The following RGS3 variants were observed in gnomAD, a reference collection of about 807,000 sequenced individuals.
The protein encoded by RGS3 is regulator of G-protein signalling 3.
A neutral mutation model predicts 132.6 loss-of-function variants in RGS3; 80 were observed. That is an observed-to-expected ratio of 0.60 (90% CI 0.50 to 0.73). The LOEUF is 0.73. Ranked by LOEUF, RGS3 falls within the 30% of genes least tolerant of loss-of-function variation. The pLI is 0.00. For synonymous variants in RGS3, 598 were observed against 620.6 expected (o/e 0.96, Z 0.54); for missense variants, 1,382 against 1,530.8 (o/e 0.90, Z 1.62).
chr9:113,514,657 G>C lies in RGS3; in HGVS notation c.1674+3G>C. ...TGGTGTTCCCTGTCTTTGTTCAGGT[G>C]AGCCCGTGGCTGGTCTTAAAGGTTC... On this transcript the variant is annotated splice_donor_region_variant and intron_variant, in intron 15 of 24. Coordinates refer to ENST00000350696, the Ensembl canonical transcript of RGS3. The C allele has an allele frequency of 6.2e-7, 1 of 1,612,986 alleles. No individual in the cohort carries two copies. The highest frequency in any genetic ancestry group is 8.5e-7 in the Non-Finnish European group (1 of 1,179,844).
At chr9:113,466,842 C>G (rs1829659953) in intron 3 of RGS3, among the ~76,000 whole-genome samples, 1 of 152,162 alleles carries the variant, frequency 6.6e-6, no homozygotes, top group South Asian at 2.1e-4. Context: ...CATTTTCATT[C>G]CCTCAAAAAG....
intron 1 of RGS3, among the ~76,000 whole-genome samples, chr9:113,448,469 T>C (rs772141917): frequency 6.6e-6 from 1 of 152,194 alleles, no homozygotes; most frequent in Non-Finnish European, 1.5e-5. Context: ...TTCCCCCTTC[T>C]GCCTGGCTAT....
At chr9:113,460,169 T>C, upstream of RGS3, 1 of 1,159,154 alleles carries the variant, frequency 8.6e-7, no homozygotes, top group African/African-American at 1.7e-5. Context: ...GCTTTGGTCT[T>C]ATTGTTGAAG....
intron 3 of RGS3, chr9:113,479,115 T>C: frequency 4.8e-6 from 1 of 206,410 alleles, no homozygotes. Flanking sequence ...TGGCAGAAAT[T>C]ACCCTCCATT....
At chr9:113,447,236 T>C (rs1588122582) in intron 1 of RGS3, among the ~76,000 whole-genome samples, 1 of 127,416 alleles carries the variant, frequency 7.8e-6, no homozygotes, top group African/African-American at 3.0e-5. Context: ...CACTCCAGCC[T>C]GGGCAACAGA....
chr9:113,537,062 G>A lies in RGS3; in HGVS notation c.2037+144G>A. On this transcript the variant is annotated intron_variant, in intron 19 of 24. Coordinates refer to ENST00000350696, the Ensembl canonical transcript of RGS3. The surrounding 1 kb of genome is among the most constrained non-coding windows in gnomAD (Gnocchi z 4.3). ...ATGAGCTCTTGGCAAGCGGGGACCTGTGCCCGAATGTCTCTCCCCCTTGGC... is the reference window on the plus strand; with the variant it reads ...ATGAGCTCTTGGCAAGCGGGGACCTATGCCCGAATGTCTCTCCCCCTTGGC... The A allele has an allele frequency of 1.4e-6, 1 of 705,086 alleles. No homozygotes were observed. The highest frequency in any genetic ancestry group is 2.8e-5 in the East Asian group (1 of 36,338). The allele number at this position is 705,086 out of a possible 1,614,324, so 43.7% of individuals were successfully genotyped here.
intron 20 of RGS3, among the ~76,000 whole-genome samples, chr9:113,590,565 C>CATCG (rs1372246478): frequency 1.4e-5 from 2 of 138,882 alleles, no homozygotes; most frequent in Non-Finnish European, 3.0e-5. Flanking sequence ...CATATCCATC[C>CATCG]ATCCATCCAT....
intron 19 of RGS3, among the ~76,000 whole-genome samples, chr9:113,543,720 G>A (rs1832994605): frequency 1.3e-5 from 2 of 152,234 alleles, no homozygotes; most frequent in African/African-American, 2.4e-5. Flanking sequence ...GAGGACAGGA[G>A]CTCTGGCCAC....
In RGS3 at chr9:113,514,053, C is replaced by T. The variant is rs142531748; in HGVS notation, c.1478-405C>T. On this transcript the variant is annotated intron_variant, in intron 14 of 24. Transcript: ENST00000350696. ...CACTCTGCTCCAACTGATTGTTCCA[C>T]GTGGGACTGTGGGCTCAGTGAGGAC... Among the ~76,000 whole-genome samples, 114 of 152,314 alleles carry T rather than the reference C, an allele frequency of 7.5e-4. 1 individual carries two copies. Among genetic ancestry groups the T allele is most frequent in the African/African-American group, 2.5e-3 (102 of 41,574 alleles).
At chr9:113,571,748 T>C (rs1834299666) in intron 19 of RGS3, among the ~76,000 whole-genome samples, 1 of 152,248 alleles carries the variant, frequency 6.6e-6, no homozygotes, top group Admixed American at 6.5e-5. Flanking sequence ...CTTTTTTCTT[T>C]TATGGAGAGT....
At chr9:113,496,265 G>T (rs192441601) in intron 8 of RGS3, among the ~76,000 whole-genome samples, 198 of 152,308 alleles carry the variant, frequency 1.3e-3, no homozygotes, top group Admixed American at 2.9e-3. Flanking sequence ...GGTGCTCAAG[G>T]ATGGAGTGAG....
At chr9:113,451,628 T>C (rs1480478932) in intron 1 of RGS3, among the ~76,000 whole-genome samples, 1 of 152,060 alleles carries the variant, frequency 6.6e-6, no homozygotes, top group African/African-American at 2.4e-5. Context: ...CTTGCAATTA[T>C]CTAATCAGAA....
chr9:113,544,894 G>C (rs933574769), intron 19 of RGS3, among the ~76,000 whole-genome samples: 1 of 152,166 alleles, frequency 6.6e-6, no homozygotes, highest in Non-Finnish European at 1.5e-5. Context: ...AGGGATATCC[G>C]GCATGTCAGA....
intron 15 of RGS3, among the ~76,000 whole-genome samples, chr9:113,516,610 C>A (rs775133297): frequency 6.6e-6 from 1 of 152,100 alleles, no homozygotes; most frequent in Non-Finnish European, 1.5e-5. Context: ...CCACCCGCCT[C>A]GGCCTTCCAA....
intron 14 of RGS3, among the ~76,000 whole-genome samples, chr9:113,510,353 G>C (rs1300582347): frequency 6.6e-6 from 1 of 152,262 alleles, no homozygotes; most frequent in Non-Finnish European, 1.5e-5. Context: ...GAGTGGAGAT[G>C]CTGCAGCTAA....
chr9:113,447,323 G>GTGTATATA (rs1829126189), intron 1 of RGS3, among the ~76,000 whole-genome samples: 1 of 29,410 alleles, frequency 3.4e-5, no homozygotes, highest in Non-Finnish European at 6.8e-5. Flanking sequence ...TCTGATGTAT[G>GTGTATATA]TATATGTATA....
In RGS3 at chr9:113,479,598, C is replaced by T. The variant is rs1296782585; in HGVS notation, c.466+57C>T. The stretch of plus-strand genomic sequence containing the variant: ...AAGGGGCGGGCCACTCAGCTTGCTG[C>T]CTGGGGCTGGGGTTGGGGGATGGTG... On this transcript the variant is annotated intron_variant, in intron 4 of 24. Transcript: ENST00000350696. 6 of 1,557,684 alleles carry T rather than the reference C, an allele frequency of 3.9e-6. No homozygotes were observed. In the African/African-American group the frequency reaches 6.8e-5, roughly 18 times the overall value.
chr9:113,518,351 T>G (rs1473815168), intron 16 of RGS3, among the ~76,000 whole-genome samples: 2 of 152,158 alleles, frequency 1.3e-5, no homozygotes, highest in Non-Finnish European at 2.9e-5. Context: ...CAGCTTGGGG[T>G]AGTGGAAAGA....
In RGS3 at chr9:113,473,392, C is replaced by CT. The variant is rs199508909; in HGVS notation, c.416-6091dup. ...TTGGACAACCTGTTTTAGCTATTTT[C>CT]TTTTTTTTGAGTTGGGGTCTCACTC... On this transcript the variant is annotated intron_variant, in intron 3 of 24. Coordinates refer to ENST00000350696, the Ensembl canonical transcript of RGS3. Among the ~76,000 whole-genome samples, 305 of 151,916 alleles carry CT rather than the reference C, an allele frequency of 2.0e-3. 5 individuals are homozygous for CT. In the East Asian group the frequency reaches 0.049, roughly 24 times the overall value.
Sources: allele counts gnomAD v4.1 joint callset (sites outside exome capture counted in the v4.1 genomes callset), GRCh38; gene constraint gnomAD v4.1.1; non-coding constraint Gnocchi (gnomAD v3.1); transcripts MANE v1.5; gene names NCBI Gene and HGNC (gene_info 2026-07-23, HGNC 2026-07-21).